CSMD1: variants seen among roughly 807,000 people sequenced by gnomAD.
CSMD1 encodes the protein CUB and Sushi multiple domains 1.
Under a neutral mutation model 417.5 loss-of-function variants are expected in CSMD1, and 213 were observed. The ratio of observed to expected loss-of-function variants is 0.51; its 90% CI spans 0.46 to 0.57. The LOEUF is 0.57. Ranked by LOEUF, CSMD1 falls within the 20% of genes least tolerant of loss-of-function variation. The pLI is 0.00. For synonymous variants in CSMD1, 2,862 were observed against 1,736.8 expected, an observed-to-expected ratio of 1.65 and a Z score of -16.11; for missense variants, 6,923 against 4,529.7, an observed-to-expected ratio of 1.53 and a Z score of -15.17.
intron 3 of CSMD1, among the ~76,000 whole-genome samples, chr8:4,222,495 T>C (rs747939630): frequency 2.5e-4 from 38 of 152,186 alleles, no homozygotes; most frequent in Admixed American, 9.2e-4. Context: ...GTCAATAATA[T>C]AGTTGTTAAT....
intron 7 of CSMD1, among the ~76,000 whole-genome samples, chr8:3,628,126 T>C (rs1321961994): frequency 1.3e-5 from 2 of 152,218 alleles, no homozygotes; most frequent in African/African-American, 4.8e-5. Context: ...TTGCAGGATA[T>C]ACTGTCTTCA....
At chr8:4,380,671 G>T (rs180917479) in intron 3 of CSMD1, among the ~76,000 whole-genome samples, 2 of 152,090 alleles carry the variant, frequency 1.3e-5, no homozygotes, top group African/African-American at 2.4e-5. Flanking sequence ...TGTGGCAAAT[G>T]GACCATACTA....
At chr8:4,444,152 G>A (rs536865612) in intron 2 of CSMD1, among the ~76,000 whole-genome samples, 5 of 151,838 alleles carry the variant, frequency 3.3e-5, no homozygotes, top group African/African-American at 1.2e-4. Context: ...GACCACTCTG[G>A]CCAACATGGC....
intron 4 of CSMD1, among the ~76,000 whole-genome samples, chr8:4,016,671 GC>G (rs1371146590): frequency 2.0e-5 from 3 of 152,202 alleles, no homozygotes; most frequent in East Asian, 3.9e-4. Flanking sequence ...ACTCTGTAAA[GC>G]AAGAGCTTCA....
intron 3 of CSMD1, among the ~76,000 whole-genome samples, chr8:4,314,842 G>A (rs1042139234): frequency 6.6e-6 from 1 of 152,120 alleles, no homozygotes; most frequent in African/African-American, 2.4e-5. Flanking sequence ...TAAGAGGAGG[G>A]AGCTGCGACA....
chr8:4,674,456 G>C (rs1057232948), intron 1 of CSMD1, among the ~76,000 whole-genome samples: 1 of 152,140 alleles, frequency 6.6e-6, no homozygotes, highest in African/African-American at 2.4e-5. Context: ...CAAACACCTG[G>C]CAGAGGAGGC....
intron 10 of CSMD1, among the ~76,000 whole-genome samples, chr8:3,497,118 G>A (rs1023356455): frequency 6.6e-6 from 1 of 152,136 alleles, no homozygotes; most frequent in African/African-American, 2.4e-5. Context: ...TGTGTATTAT[G>A]CAGCTGTTGG....
intron 3 of CSMD1, among the ~76,000 whole-genome samples, chr8:4,368,333 C>T (rs1171453902): frequency 6.6e-6 from 1 of 152,092 alleles, no homozygotes; most frequent in Non-Finnish European, 1.5e-5. Flanking sequence ...CACAGGTATA[C>T]AGCCTACTTT....
At chr8:3,792,009 A>C (rs1344581368) in intron 5 of CSMD1, among the ~76,000 whole-genome samples, 1 of 139,806 alleles carries the variant, frequency 7.2e-6, no homozygotes, top group Non-Finnish European at 1.6e-5. Context: ...TCTTTTGTTT[A>C]CTTCTAATGT....
intron 41 of CSMD1, among the ~76,000 whole-genome samples, chr8:3,141,362 T>C (rs894346402): frequency 6.6e-6 from 1 of 152,218 alleles, no homozygotes. Flanking sequence ...TTCCTGGACA[T>C]AGATTGAATT....
At chr8:4,084,074 G>T (rs1447204742) in intron 3 of CSMD1, among the ~76,000 whole-genome samples, 1 of 152,138 alleles carries the variant, frequency 6.6e-6, no homozygotes, top group Non-Finnish European at 1.5e-5. Flanking sequence ...ATCAATACAT[G>T]AAAATGGCTA....
At chr8:4,280,513 C>A (rs1386018660) in intron 3 of CSMD1, among the ~76,000 whole-genome samples, 1 of 152,138 alleles carries the variant, frequency 6.6e-6, no homozygotes, top group Admixed American at 6.5e-5. Context: ...TTAAAATATA[C>A]AAGCAAATTG....
chr8:4,569,464 T>A (rs1798778221), intron 2 of CSMD1, among the ~76,000 whole-genome samples: 1 of 152,040 alleles, frequency 6.6e-6, no homozygotes, highest in Non-Finnish European at 1.5e-5. Context: ...AGATGTGTGG[T>A]GTTATTTCTG....
chr8:3,585,106 T>C (rs1250478324), intron 9 of CSMD1, among the ~76,000 whole-genome samples: 1 of 152,088 alleles, frequency 6.6e-6, no homozygotes, highest in Non-Finnish European at 1.5e-5. Context: ...TGCAAAGCTG[T>C]ATCCCCTGCA....
At chr8:3,846,285 T>C (rs569747041) in intron 5 of CSMD1, among the ~76,000 whole-genome samples, 36 of 152,298 alleles carry the variant, frequency 2.4e-4, no homozygotes, top group African/African-American at 8.2e-4. Flanking sequence ...ACCATGTCAA[T>C]AGGTGATAGG....
intron 5 of CSMD1, among the ~76,000 whole-genome samples, chr8:3,883,285 T>C (rs1036291707): frequency 6.6e-5 from 10 of 152,158 alleles, no homozygotes; most frequent in African/African-American, 2.4e-4. Flanking sequence ...CCAGCTCACA[T>C]GTTTACTGTG....
chr8:3,052,071 T>C (rs1811855756), intron 50 of CSMD1, among the ~76,000 whole-genome samples: 1 of 152,176 alleles, frequency 6.6e-6, no homozygotes, highest in Non-Finnish European at 1.5e-5. Flanking sequence ...CTTAAAATTA[T>C]ATGGAAGATA....
intron 1 of CSMD1, among the ~76,000 whole-genome samples, chr8:4,793,731 G>A (rs1446863026): frequency 6.0e-5 from 9 of 151,040 alleles, no homozygotes; most frequent in East Asian, 5.9e-4. Flanking sequence ...CAGGGGAAAT[G>A]ACATTCATTG....
At chr8:3,565,354 T>G (rs978004669) in intron 10 of CSMD1, among the ~76,000 whole-genome samples, 1 of 151,962 alleles carries the variant, frequency 6.6e-6, no homozygotes, top group African/African-American at 2.4e-5. Flanking sequence ...CACTGTGTCT[T>G]TGCACGGGGA....
Sources: allele counts gnomAD v4.1 joint callset (sites outside exome capture counted in the v4.1 genomes callset), GRCh38; gene constraint gnomAD v4.1.1; transcripts MANE v1.5; gene names NCBI Gene and HGNC (gene_info 2026-07-23, HGNC 2026-07-21).